ITFG1: variants seen among roughly 807,000 people sequenced by gnomAD.
ITFG1 encodes integrin alpha FG-GAP repeat containing 1.
ITFG1 carries 34 observed loss-of-function variants against 81.8 expected under a neutral mutation model. The ratio of observed to expected loss-of-function variants is 0.42; its 90% CI spans 0.32 to 0.55. The LOEUF (loss-of-function observed/expected upper bound fraction) is 0.55, where lower values mean the gene tolerates loss of function less well. ITFG1 is among the 20% of genes least tolerant of loss of function. The pLI, the probability that ITFG1 is intolerant of heterozygous loss-of-function variation, is 0.17. For synonymous variants in ITFG1, 285 were observed against 270.6 expected, an observed-to-expected ratio of 1.05 and a Z score of -0.52; for missense variants, 672 against 755.4, an observed-to-expected ratio of 0.89 and a Z score of 1.29.
At chr16:47,180,259 T>G (rs907247208) in intron 14 of ITFG1, among the ~76,000 whole-genome samples, 3 of 152,016 alleles carry the variant, frequency 2.0e-5, no homozygotes, top group Non-Finnish European at 4.4e-5. Context: ...AAGACATCTA[T>G]TTGGGCTTTG....
rs565091713 is a variant in ITFG1, at chr16:47,411,168, G to A, written c.655+17636C>T. 2.0e-5 allele frequency among the ~76,000 whole-genome samples: 3 copies of A among 152,304 alleles called. No homozygotes were observed. The East Asian group carries it at 5.8e-4, about 29-fold the overall frequency. On this transcript the variant is annotated intron_variant, in intron 6 of 17. Transcript: ENST00000320640. ...GAGATCTGTGGCTGGCACTTGAATGGAGGAGGAGCTCCACTCTCAGAACAC... is the reference window on the plus strand; with the variant it reads ...GAGATCTGTGGCTGGCACTTGAATGAAGGAGGAGCTCCACTCTCAGAACAC...
intron 5 of ITFG1, among the ~76,000 whole-genome samples, chr16:47,450,652 C>A (rs1003755413): frequency 1.3e-5 from 2 of 152,094 alleles, no homozygotes; most frequent in Non-Finnish European, 2.9e-5. Flanking sequence ...TAAGGGTGGT[C>A]CTTTGTACTT....
At chr16:47,414,211 A>G (rs1968845639) in intron 6 of ITFG1, among the ~76,000 whole-genome samples, 1 of 152,200 alleles carries the variant, frequency 6.6e-6, no homozygotes, top group African/African-American at 2.4e-5. Context: ...ATGAATGTTT[A>G]ACTGAATTTT....
rs369482589 is a variant in ITFG1, at chr16:47,452,303, C to CT, written c.485+429dup. ...ACATCAATTATTTAAATCAATTATGCTGGTACATGAGTCTACAGTGAGAAT... is the reference window on the plus strand; with the variant it reads ...ACATCAATTATTTAAATCAATTATGCTTGGTACATGAGTCTACAGTGAGAAT... On this transcript the variant is annotated intron_variant, in intron 4 of 17. Transcript: ENST00000320640. Among the ~76,000 whole-genome samples the CT allele has an allele frequency of 4.2e-3, 636 of 152,196 alleles. 6 individuals carry two copies. Among genetic ancestry groups the CT allele is most frequent in the African/African-American group, 0.015 (607 of 41,526 alleles).
intron 14 of ITFG1, 59 bp from the exon 15 acceptor site, chr16:47,162,723 AAT>A (rs1964827956): frequency 7.0e-7 from 1 of 1,421,066 alleles, no homozygotes; most frequent in Non-Finnish European, 9.5e-7. Flanking sequence ...GCTCCCATCA[AAT>A]ATTAAAATGA....
chr16:47,451,526 T>A, intron 4 of ITFG1, 56 bp from the exon 5 acceptor site: 1 of 962,538 alleles, frequency 1.0e-6, no homozygotes, highest in Middle Eastern at 2.5e-4. Flanking sequence ...ACTTCTAATT[T>A]AGCTTTAAAA....
intron 6 of ITFG1, among the ~76,000 whole-genome samples, chr16:47,390,143 G>A (rs1300684412): frequency 6.6e-6 from 1 of 152,166 alleles, no homozygotes; most frequent in Non-Finnish European, 1.5e-5. Flanking sequence ...TGTTAAGACT[G>A]GAGCTCATCC....
intron 8 of ITFG1, among the ~76,000 whole-genome samples, chr16:47,340,574 C>G (rs1255947055): frequency 6.6e-6 from 1 of 151,916 alleles, no homozygotes; most frequent in Admixed American, 6.6e-5. Flanking sequence ...AAACCATTCA[C>G]TACAAATCAA....
At chr16:47,325,099 C>A (rs1341183312) in intron 8 of ITFG1, among the ~76,000 whole-genome samples, 1 of 152,200 alleles carries the variant, frequency 6.6e-6, no homozygotes, top group Non-Finnish European at 1.5e-5. Context: ...CACTCCTCAG[C>A]AAATGTAGAA....
In ITFG1 at chr16:47,327,036, A is replaced by G. The variant is rs533168280; in HGVS notation, c.803-13213T>C. Among the ~76,000 whole-genome samples the G allele has an allele frequency of 3.9e-5, 6 of 152,332 alleles. No individual in the cohort carries two copies. The East Asian group carries it at 5.8e-4, about 15-fold the overall frequency. On this transcript the variant is annotated intron_variant, in intron 8 of 17. Transcript: ENST00000320640. ...CGCCAAGTCAATCCTAAGCCAAAAG[A>G]AGAAAGGTGGAGGCATCACGCTACC... is the stretch of plus-strand genomic sequence containing the variant.
intron 14 of ITFG1, among the ~76,000 whole-genome samples, chr16:47,187,371 G>A (rs1173190524): frequency 4.0e-5 from 6 of 151,496 alleles, no homozygotes; most frequent in African/African-American, 1.2e-4. Context: ...ATACTACAAG[G>A]CTACAGTAAC....
intron 2 of ITFG1, among the ~76,000 whole-genome samples, chr16:47,458,259 G>A (rs879859222): frequency 9.9e-5 from 15 of 152,078 alleles, no homozygotes; most frequent in African/African-American, 1.9e-4. Flanking sequence ...TTAACTCCCC[G>A]AAGTGTACCT....
At chr16:47,200,470 T>G (rs1210970985) in intron 14 of ITFG1, among the ~76,000 whole-genome samples, 2 of 152,228 alleles carry the variant, frequency 1.3e-5, no homozygotes, top group Non-Finnish European at 2.9e-5. Flanking sequence ...CAATGATTAG[T>G]AACAACAACA....
chr16:47,299,204 A>G (rs1967034269), intron 10 of ITFG1, among the ~76,000 whole-genome samples: 1 of 152,174 alleles, frequency 6.6e-6, no homozygotes, highest in Non-Finnish European at 1.5e-5. Flanking sequence ...TTAGGCTGCA[A>G]TGCTGTTTAC....
chr16:47,331,094 T>C (rs1340640109), intron 8 of ITFG1, among the ~76,000 whole-genome samples: 1 of 152,058 alleles, frequency 6.6e-6, no homozygotes, highest in Admixed American at 6.6e-5. Context: ...AACGGTGGAC[T>C]GGATAAAGAA....
chr16:47,335,842 CTGG>C (rs1444578396), intron 8 of ITFG1, among the ~76,000 whole-genome samples: 1 of 152,150 alleles, frequency 6.6e-6, no homozygotes, highest in Non-Finnish European at 1.5e-5. Flanking sequence ...TCATATTGAT[CTGG>C]TATTTCCACT....
intron 10 of ITFG1, among the ~76,000 whole-genome samples, chr16:47,290,762 C>T (rs1444513751): frequency 1.3e-5 from 2 of 152,112 alleles, no homozygotes; most frequent in Non-Finnish European, 2.9e-5. Context: ...TCCATTCAGT[C>T]AGTCTGTATC....
rs547529840 is a variant in ITFG1 at position 47,303,992 on chromosome 16, G to C, written c.1070+7248C>G. ...TACCCTTACTTAAATTAGTCTGATCGGACTAAGTCACTGGGATTTGGAAAA... is the reference window on the plus strand; with the variant it reads ...TACCCTTACTTAAATTAGTCTGATCCGACTAAGTCACTGGGATTTGGAAAA... On this transcript the variant is annotated intron_variant, in intron 10 of 17. Coordinates refer to ENST00000320640, the MANE Select transcript of ITFG1 (RefSeq NM_030790.5). 1.0e-3 allele frequency among the ~76,000 whole-genome samples: 154 copies of C among 152,028 alleles called. 1 individual carries two copies. The Middle Eastern group carries it at 0.01, about 10-fold the overall frequency.
intron 6 of ITFG1, among the ~76,000 whole-genome samples, chr16:47,411,059 A>C (rs1214919001): frequency 6.6e-6 from 1 of 152,168 alleles, no homozygotes; most frequent in Admixed American, 6.5e-5. Flanking sequence ...CCCTACCTGC[A>C]GGCTTTCCAG....
Sources: allele counts gnomAD v4.1 joint callset (sites outside exome capture counted in the v4.1 genomes callset), GRCh38; gene constraint gnomAD v4.1.1; transcripts MANE v1.5; gene names NCBI Gene and HGNC (gene_info 2026-07-23, HGNC 2026-07-21).